The following NLGN1 variants were observed in gnomAD, a reference collection of about 807,000 sequenced individuals.
NLGN1 encodes the protein neuroligin-1.
Under a neutral mutation model 65.5 loss-of-function variants are expected in NLGN1, and 12 were observed. The observed-to-expected ratio is 0.18, with a 90% CI of 0.12 to 0.30. The LOEUF is 0.30. Among genes scored for constraint, NLGN1 ranks in the 10% least tolerant of loss-of-function variants. The probability of loss-of-function intolerance (pLI) is 1.00; values close to 1 mark genes in which losing one functional copy is unlikely to be tolerated. For synonymous variants in NLGN1, 350 were observed against 359.5 expected (o/e 0.97, Z 0.30); for missense variants, 750 against 1,007.1 (o/e 0.74, Z 3.46).
Position 173,463,412 on chromosome 3 carries a change from C to T in NLGN1, c.-321+28334C>T, listed in dbSNP as rs148705189. On this transcript the variant is annotated intron_variant, in intron 2 of 6. Coordinates refer to ENST00000457714, the Ensembl canonical transcript of NLGN1. ...AATTTCTTTTCATCTCTCTTCCATACAGATCTGTTGCTCCCGCTGACCTTG... is the reference window on the plus strand; with the variant it reads ...AATTTCTTTTCATCTCTCTTCCATATAGATCTGTTGCTCCCGCTGACCTTG... Among the ~76,000 whole-genome samples, 720 of 152,300 alleles carry T rather than the reference C, an allele frequency of 4.7e-3. 8 individuals are homozygous for T. The highest frequency in any genetic ancestry group is 0.02 in the Middle Eastern group (6 of 294).
At chr3:173,823,146 A>T (rs1359897156) in intron 4 of NLGN1, among the ~76,000 whole-genome samples, 1 of 152,042 alleles carries the variant, frequency 6.6e-6, no homozygotes, top group African/African-American at 2.4e-5. Flanking sequence ...ACTTCTATAG[A>T]TTAAAAATTG....
intron 4 of NLGN1, among the ~76,000 whole-genome samples, chr3:173,837,090 A>T (rs1723762537): frequency 3.3e-5 from 5 of 152,146 alleles, no homozygotes; most frequent in Admixed American, 2.6e-4. Flanking sequence ...ACATATTTAC[A>T]TGATGGACTG....
chr3:173,560,475 T>C (rs906127379), intron 2 of NLGN1, among the ~76,000 whole-genome samples: 22 of 151,968 alleles, frequency 1.4e-4, no homozygotes, highest in African/African-American at 4.8e-4. Flanking sequence ...TAATTTCTTA[T>C]TTACTCCGGT....
chr3:173,945,065 T>G (rs957191280), intron 4 of NLGN1, among the ~76,000 whole-genome samples: 1 of 152,078 alleles, frequency 6.6e-6, no homozygotes, highest in Non-Finnish European at 1.5e-5. Flanking sequence ...TTGGATTGCT[T>G]TCTTCCAATC....
intron 3 of NLGN1, among the ~76,000 whole-genome samples, chr3:173,772,399 C>A (rs1388542609): frequency 6.6e-6 from 1 of 152,076 alleles, no homozygotes; most frequent in East Asian, 1.9e-4. Context: ...AGGAGGATCA[C>A]CTGAGGTCAG....
At chr3:174,028,163 T>C (rs996914012) in intron 4 of NLGN1, among the ~76,000 whole-genome samples, 1 of 152,104 alleles carries the variant, frequency 6.6e-6, no homozygotes, top group South Asian at 2.1e-4. Flanking sequence ...ATACAGTAAA[T>C]TGGTACTGGT....
intron 4 of NLGN1, among the ~76,000 whole-genome samples, chr3:173,975,817 A>G (rs1717311652): frequency 6.6e-6 from 1 of 151,836 alleles, no homozygotes; most frequent in African/African-American, 2.4e-5. Flanking sequence ...TGTTCCTGTT[A>G]TTATATGATT....
intron 1 of NLGN1, among the ~76,000 whole-genome samples, chr3:173,408,155 C>T (rs144144155): frequency 6.6e-6 from 1 of 152,132 alleles, no homozygotes; most frequent in Non-Finnish European, 1.5e-5. Context: ...GGTTCTCTAG[C>T]CCAAGCACTC....
intron 4 of NLGN1, among the ~76,000 whole-genome samples, chr3:173,900,658 A>C (rs1737178615): frequency 6.6e-6 from 1 of 152,074 alleles, no homozygotes; most frequent in Non-Finnish European, 1.5e-5. Context: ...AAGATTATCT[A>C]TTCAAAAATC....
At chr3:173,556,445 T>G (rs1381576750) in intron 2 of NLGN1, among the ~76,000 whole-genome samples, 5 of 152,198 alleles carry the variant, frequency 3.3e-5, no homozygotes. Flanking sequence ...CCTTATAATT[T>G]CCTTCTTCTT....
At chr3:173,411,852 C>G (rs1418863967) in intron 1 of NLGN1, among the ~76,000 whole-genome samples, 1 of 152,008 alleles carries the variant, frequency 6.6e-6, no homozygotes, top group Non-Finnish European at 1.5e-5. Flanking sequence ...GTGGCAGCAC[C>G]AGAGGGAGCC....
chr3:173,757,773 T>A (rs1013616731), intron 3 of NLGN1, among the ~76,000 whole-genome samples: 3 of 152,046 alleles, frequency 2.0e-5, no homozygotes, highest in Non-Finnish European at 4.4e-5. Flanking sequence ...GGTGTGCAAA[T>A]GGCCAAGTGA....
intron 2 of NLGN1, among the ~76,000 whole-genome samples, chr3:173,464,646 G>C (rs1308341291): frequency 6.6e-6 from 1 of 151,950 alleles, no homozygotes; most frequent in African/African-American, 2.4e-5. Context: ...TGTTGGTCAG[G>C]CTGCTCTCGA....
intron 2 of NLGN1, among the ~76,000 whole-genome samples, chr3:173,507,902 G>C (rs1023592154): frequency 3.3e-5 from 5 of 152,092 alleles, no homozygotes; most frequent in African/African-American, 1.2e-4. Context: ...TGTGACCCTA[G>C]ACAATTTATT....
chr3:174,057,759 A>G (rs1383067584), intron 4 of NLGN1: 1 of 151,998 alleles, frequency 6.6e-6, no homozygotes, highest in African/African-American at 2.4e-5. Context: ...CCAAACCTCA[A>G]TCAAAAAGAA....
chr3:173,518,489 G>C (rs1350460557), intron 2 of NLGN1, among the ~76,000 whole-genome samples: 1 of 150,326 alleles, frequency 6.7e-6, no homozygotes, highest in Non-Finnish European at 1.5e-5. Flanking sequence ...ATATTATAAA[G>C]TATATATGTA....
chr3:173,926,195 G>A (rs1742972683), intron 4 of NLGN1, among the ~76,000 whole-genome samples: 1 of 151,340 alleles, frequency 6.6e-6, no homozygotes, highest in South Asian at 2.1e-4. Context: ...TAAGGACAAA[G>A]ATAACTGTAT....
chr3:173,969,097 ATTATT>A (rs749714259), intron 4 of NLGN1, among the ~76,000 whole-genome samples: 6 of 152,062 alleles, frequency 3.9e-5, no homozygotes, highest in African/African-American at 9.7e-5. Context: ...TAACTTGTTG[ATTATT>A]TTATTTTGTT....
chr3:173,740,365 A>G (rs1303853454), intron 3 of NLGN1, among the ~76,000 whole-genome samples: 3 of 152,124 alleles, frequency 2.0e-5, no homozygotes, highest in African/African-American at 4.8e-5. Context: ...CTGGATTCCT[A>G]CATTCATCAC....
Sources: allele counts gnomAD v4.1 joint callset (sites outside exome capture counted in the v4.1 genomes callset), GRCh38; gene constraint gnomAD v4.1.1; transcripts MANE v1.5; gene names NCBI Gene and HGNC (gene_info 2026-07-23, HGNC 2026-07-21).